Variants in RTEL1 observed in about 807,000 individuals in gnomAD.
RTEL1 encodes regulator of telomere elongation helicase 1.
In RTEL1, 86 loss-of-function variants were observed where a neutral mutation model predicts 162.2. The observed-to-expected ratio is 0.53, with a 90% confidence interval of 0.45 to 0.63. The LOEUF (loss-of-function observed/expected upper bound fraction) is 0.63. RTEL1 is among the 30% of genes least tolerant of loss of function. RTEL1 has a pLI of 0.00. For synonymous variants in RTEL1, 958 were observed against 717.9 expected (o/e 1.33, Z -5.35); for missense variants, 1,941 against 1,750.2 (o/e 1.11, Z -1.95).
At position 63,695,507 on chromosome 20, in the gene RTEL1, G is replaced by A. The variant is rs938033314; in HGVS notation, c.3679G>A (p.Gly1227Arg). 1 of 1,611,726 alleles carries A rather than the reference G, an allele frequency of 6.2e-7. No homozygotes were observed. ...WGEPHGRDIA[G>R]QQATGAPGGP... ...TGAGCCTCATGGGAGAGACATCGCT[G>A]GGCAGCAGGCCACGGGAGCTCCGGG... The change falls in exon 34 of 35, where the codon GGG becomes AGG. Residue 1227 changes from glycine (G) to arginine (R), a missense_variant. Coordinates refer to ENST00000360203, the MANE Select transcript of RTEL1 (RefSeq NM_001283009.2).
intron 10 of RTEL1, among the ~76,000 whole-genome samples, chr20:63,676,700 C>T (rs1305826688): frequency 3.3e-5 from 5 of 152,168 alleles, no homozygotes; most frequent in African/African-American, 9.7e-5. Context: ...CTTTGGGAGG[C>T]CCAGGCAGGC....
rs1405372178 is a variant in RTEL1, at chr20:63,661,259, C to T, written c.103-39C>T. ...GGCAGCTTGTGTGGCCTCGCCTCTT[C>T]CTGGCTTCCCCGTAACCCTTGCTCC... On this transcript the variant is annotated intron_variant, in intron 2 of 34. Coordinates refer to ENST00000360203, the MANE Select transcript of RTEL1 (RefSeq NM_001283009.2). The surrounding 1 kb of genome is among the most constrained non-coding windows in gnomAD (Gnocchi z 5.1). 1 of 1,591,642 alleles carries T rather than the reference C, an allele frequency of 6.3e-7. No homozygotes were observed. Among genetic ancestry groups the T allele is most frequent in the Non-Finnish European group, 8.6e-7 (1 of 1,164,422 alleles).
chr20:63,663,356 T>C (rs6010612), intron 6 of RTEL1, among the ~76,000 whole-genome samples: 12,870 of 152,292 alleles, frequency 0.085, 608 homozygotes, highest in African/African-American at 0.11. Context: ...TTTCCTGTGC[T>C]GACCTTGCTG....
intron 14 of RTEL1, chr20:63,681,561 G>A (rs2090478248): frequency 1.0e-6 from 1 of 985,318 alleles, no homozygotes; most frequent in Non-Finnish European, 1.2e-6. Flanking sequence ...GCTTGAGCTG[G>A]GGGAGGCCGC....
intron 6 of RTEL1, 79 bp downstream of exon 6, chr20:63,662,968 C>G: frequency 7.0e-7 from 1 of 1,423,024 alleles, no homozygotes; most frequent in Non-Finnish European, 9.9e-7. Flanking sequence ...GTGTCACAGC[C>G]TGGTTGTGCT....
chr20:63,693,119 G>A (rs2090801193), intron 29 of RTEL1, 24 bp from the exon 30 acceptor site: 5 of 1,612,110 alleles, frequency 3.1e-6, no homozygotes, highest in Admixed American at 3.3e-5. Context: ...GGGCAGATGG[G>A]GACAGACGCC....
Position 63,694,742 on chromosome 20 carries a change from A to G in RTEL1, c.3111A>G (p.Gly1037=). The G allele has an allele frequency of 6.2e-7, 1 of 1,600,032 alleles. No homozygotes were observed. Among genetic ancestry groups the G allele is most frequent in the South Asian group, 1.1e-5 (1 of 90,702 alleles). ...PHLSPRPPPT[G]DPGSQPQWGS... is the part of the protein sequence containing the mutation. ...TGAGCCATGCTACTCCCACACCAGG[A>G]GACCCTGGCAGCCAACCACAGTGGG... Residue 1037 remains glycine, a splice_region_variant and synonymous_variant, in exon 32 of 35, where the codon GGA becomes GGG. Transcript: ENST00000360203.
At chr20:63,671,488 AT>A (rs1030870846) in intron 8 of RTEL1, among the ~76,000 whole-genome samples, 8 of 147,500 alleles carry the variant, frequency 5.4e-5, no homozygotes, top group Non-Finnish European at 9.0e-5. Flanking sequence ...AATGTGTGAA[AT>A]TTTTTTTTTT....
rs41308090 is a variant in RTEL1 at position 63,693,063 on chromosome 20, G to A, written c.2851+60G>A. 6,764 of 1,609,664 alleles carry A rather than the reference G, an allele frequency of 4.2e-3. 34 individuals are homozygous for A. Among genetic ancestry groups the A allele is most frequent in the Middle Eastern group, 0.023 (138 of 6,040 alleles). On this transcript the variant is annotated intron_variant, in intron 29 of 34. Transcript: ENST00000360203. ...GCAGTGCTGCCGCCGCGTGTGGGGT[G>A]GGGGCCATCTGGGTCCAAGGTGGTC...
chr20:63,680,829 C>A, intron 14 of RTEL1, 110 bp downstream of exon 14: 1 of 1,545,562 alleles, frequency 6.5e-7, no homozygotes, highest in Non-Finnish European at 8.8e-7. Flanking sequence ...AGAAAGGCCC[C>A]TACACCACCT....
rs760405160 is a variant in RTEL1 at position 63,661,556 on chromosome 20, G to A, written c.301+60G>A. ...GTGGGGATGGTTGGCAAGGGATGGC[G>A]CTGAGGGTGGGGTGGGCCCATGGGG... is the stretch of plus-strand genomic sequence containing the variant. On this transcript the variant is annotated intron_variant, in intron 3 of 34. Transcript: ENST00000360203. This position sits in a 1 kb window ranked among gnomAD's most constrained non-coding sequence, Gnocchi z 5.1. 17 of 1,528,518 alleles carry A rather than the reference G, an allele frequency of 1.1e-5. No homozygotes were observed. The highest frequency in any genetic ancestry group is 1.1e-4 in the Admixed American group (6 of 54,236). The allele number at this position is 1,528,518 out of a possible 1,614,324, so 94.7% of individuals were successfully genotyped here.
At position 63,695,201 on chromosome 20, in the gene RTEL1, C is replaced by T. The variant is rs754781364; in HGVS notation, c.3479C>T (p.Thr1160Ile). 5.0e-6 allele frequency: 8 copies of T among 1,612,012 alleles called. No homozygotes were observed. The African/African-American group carries it at 5.3e-5, about 11-fold the overall frequency. Residue 1160 changes from threonine (T) to isoleucine (I), a missense_variant, in exon 33 of 35, where the codon ACC becomes ATC. Thr to Ile is a moderately conservative substitution (Grantham distance 89, BLOSUM62 -1). Coordinates refer to ENST00000360203, the MANE Select transcript of RTEL1 (RefSeq NM_001283009.2). The stretch of plus-strand genomic sequence containing the variant: ...AGGCTTGCCGTGCCTCCTGTGCTTA[C>T]CCACAGGGCTCCCCAACCAGGTAGG... ...EERLAVPPVL[T>I]HRAPQPGPSR...
chr20:63,667,854 C>A (rs915341984), intron 8 of RTEL1, among the ~76,000 whole-genome samples: 1 of 152,130 alleles, frequency 6.6e-6, no homozygotes, highest in Middle Eastern at 3.2e-3. Context: ...CAGGTTCTCT[C>A]CTTCACGTCA....
At chr20:63,691,883 A>C in intron 28 of RTEL1, 46 bp downstream of exon 28, 21 of 1,525,374 alleles carry the variant, frequency 1.4e-5, no homozygotes, top group African/African-American at 2.7e-5. Flanking sequence ...ATAGACACGC[A>C]TGGGAACGCA....
intron 10 of RTEL1, among the ~76,000 whole-genome samples, chr20:63,676,701 C>T (rs552597474): frequency 2.6e-5 from 4 of 152,242 alleles, no homozygotes; most frequent in Admixed American, 2.0e-4. Context: ...TTTGGGAGGC[C>T]CAGGCAGGCG....
intron 21 of RTEL1, 114 bp downstream of exon 21, chr20:63,688,719 G>A: frequency 1.1e-6 from 1 of 900,078 alleles, no homozygotes; most frequent in Non-Finnish European, 1.7e-6. Context: ...GGCTCCCGCT[G>A]CCTCTTCAGG....
rs372116890 is a variant in RTEL1 at position 63,676,814 on chromosome 20, A to G, written c.920-1331A>G. Among the ~76,000 whole-genome samples, 664 of 152,322 alleles carry G rather than the reference A, an allele frequency of 4.4e-3. 8 individuals are homozygous for G. The highest frequency in any genetic ancestry group is 0.015 in the African/African-American group (627 of 41,576). On this transcript the variant is annotated intron_variant, in intron 10 of 34. Coordinates refer to ENST00000360203, the MANE Select transcript of RTEL1 (RefSeq NM_001283009.2). ...GCCAGGTGTGGTGGTGCATGCTTGT[A>G]ATCCCAGCTACTTGGGAGGCTGAGG...
intron 14 of RTEL1, 171 bp downstream of exon 14, chr20:63,680,890 T>C (rs1179824123): frequency 1.0e-6 from 1 of 983,038 alleles, no homozygotes; most frequent in Non-Finnish European, 1.2e-6. Context: ...AAACCCACAC[T>C]GGGCCTCCTG....
In RTEL1 at chr20:63,695,855, G is replaced by A. The variant is rs374244090; in HGVS notation, c.3900G>A (p.Gln1300=). 6.3e-7 allele frequency: 1 copy of A among 1,587,784 alleles called. No individual in the cohort carries two copies. The highest frequency in any genetic ancestry group is 8.6e-7 in the Non-Finnish European group (1 of 1,168,710). The change falls in exon 35 of 35, where the codon CAG becomes CAA. Residue 1300 remains glutamine (Q), a synonymous_variant. Transcript: ENST00000360203. ...TGCAGGTCTTCTGGCCAGAGCCCCAGTGAGTGCCCACGGAGGCCCCCAGCA... is the reference window on the plus strand; with the variant it reads ...TGCAGGTCTTCTGGCCAGAGCCCCAATGAGTGCCCACGGAGGCCCCCAGCA... ...SVMQVFWPEP[Q]
Sources: gnomAD v4.1 joint callset for allele counts (sites outside exome capture counted in the v4.1 genomes callset) on GRCh38, gnomAD v4.1.1 for gene constraint, Gnocchi (gnomAD v3.1) non-coding constraint, MANE v1.5 for transcripts, NCBI Gene and HGNC (gene_info 2026-07-23, HGNC 2026-07-21) for gene names.